Variants in LGSN observed in about 807,000 individuals in gnomAD.
LGSN encodes the protein lengsin.
Under a neutral mutation model 19.5 loss-of-function variants are expected in LGSN, and 21 were observed. The ratio of observed to expected loss-of-function variants is 1.07; its 90% CI spans 0.76 to 1.55. LGSN has a LOEUF of 1.55. Ranked by LOEUF, LGSN falls within the 40% of genes most tolerant of loss-of-function variation. LGSN has a pLI of 0.00. For missense variants in LGSN, 673 were observed against 608.5 expected (o/e 1.11, Z -1.12); for synonymous variants, 257 against 215.6 (o/e 1.19, Z -1.68).
chr6:63,478,253 G>C, the LGSN span, among the ~76,000 whole-genome samples: 1 of 152,118 alleles, frequency 6.6e-6, no homozygotes, highest in African/African-American at 2.4e-5. Flanking sequence ...GATTTTAAGA[G>C]GTTAGTAAAT....
the LGSN span, chr6:63,572,766 C>G: frequency 2.5e-6 from 1 of 398,290 alleles, no homozygotes. Flanking sequence ...AATCCACGAC[C>G]GGCCCCCCAT....
At chr6:63,474,565 C>T in the LGSN span, among the ~76,000 whole-genome samples, 1 of 144,088 alleles carries the variant, frequency 6.9e-6, no homozygotes, top group African/African-American at 2.6e-5. Context: ...GACAAGATCA[C>T]ACCACTGCAC....
At chr6:63,386,571 A>G in the LGSN span, among the ~76,000 whole-genome samples, 1 of 152,124 alleles carries the variant, frequency 6.6e-6, no homozygotes, top group Non-Finnish European at 1.5e-5. Context: ...AGTCATAACC[A>G]GTTAACCTAA....
At chr6:63,411,484 G>A in the LGSN span, among the ~76,000 whole-genome samples, 1 of 152,056 alleles carries the variant, frequency 6.6e-6, no homozygotes, top group Non-Finnish European at 1.5e-5. Flanking sequence ...CTATTGCGCT[G>A]CTCACACTAT....
chr6:63,447,921 G>A, the LGSN span, among the ~76,000 whole-genome samples: 1 of 152,070 alleles, frequency 6.6e-6, no homozygotes, highest in African/African-American at 2.4e-5. Context: ...CCAATAAGTT[G>A]TCCAACAAAA....
the LGSN span, among the ~76,000 whole-genome samples, chr6:63,508,377 G>A: frequency 6.6e-6 from 1 of 151,996 alleles, no homozygotes; most frequent in Non-Finnish European, 1.5e-5. Context: ...TTTGCATTAT[G>A]TAAACAGATA....
the LGSN span, among the ~76,000 whole-genome samples, chr6:63,494,250 A>C: frequency 6.6e-6 from 1 of 152,168 alleles, no homozygotes; most frequent in East Asian, 1.9e-4. Flanking sequence ...ACGCCCAGCC[A>C]GAAGAAATTA....
the LGSN span, among the ~76,000 whole-genome samples, chr6:63,462,621 A>G: frequency 6.6e-6 from 1 of 152,140 alleles, no homozygotes; most frequent in Non-Finnish European, 1.5e-5. Flanking sequence ...ATATTCCTAG[A>G]TTTTGGTTTT....
chr6:63,393,177 C>T, the LGSN span, among the ~76,000 whole-genome samples: 140 of 146,866 alleles, frequency 9.5e-4, 1 homozygote, highest in South Asian at 0.027. Flanking sequence ...TGAGCCACCG[C>T]GCCCAGCCAA....
intron 1 of LGSN, among the ~76,000 whole-genome samples, chr6:63,300,114 A>G (rs528749858): frequency 6.6e-6 from 1 of 152,286 alleles, no homozygotes; most frequent in East Asian, 1.9e-4. Flanking sequence ...GCAGCAGGAC[A>G]CAGCCAAGCC....
the LGSN span, among the ~76,000 whole-genome samples, chr6:63,446,243 C>CAA: frequency 0.021 from 1,538 of 74,330 alleles, 92 homozygotes; most frequent in African/African-American, 0.058. Context: ...GACTGTGTCT[C>CAA]AAAAAAAAAA....
the LGSN span, among the ~76,000 whole-genome samples, chr6:63,371,609 A>G: frequency 1.3e-3 from 204 of 152,350 alleles, 3 homozygotes; most frequent in African/African-American, 4.2e-3. Context: ...AATTCTGTTC[A>G]CTGCAGCTGC....
chr6:63,414,837 C>G, the LGSN span, among the ~76,000 whole-genome samples: 2 of 152,134 alleles, frequency 1.3e-5, no homozygotes, highest in African/African-American at 4.8e-5. Context: ...ATTGCTTGAG[C>G]CTGGGAGGCA....
the LGSN span, among the ~76,000 whole-genome samples, chr6:63,438,185 G>T: frequency 1.3e-5 from 2 of 152,224 alleles, no homozygotes; most frequent in East Asian, 1.9e-4. Flanking sequence ...GGCCAAGGTG[G>T]GTGGATCACT....
At chr6:63,383,435 A>G in the LGSN span, among the ~76,000 whole-genome samples, 1 of 151,656 alleles carries the variant, frequency 6.6e-6, no homozygotes, top group Non-Finnish European at 1.5e-5. Flanking sequence ...GACCCAGGGG[A>G]TCAACAGCAT....
upstream of LGSN, among the ~76,000 whole-genome samples, chr6:63,324,808 T>C (rs1474515175): frequency 2.1e-5 from 3 of 141,214 alleles, no homozygotes; most frequent in South Asian, 6.7e-4. Flanking sequence ...AACACCTACA[T>C]AAAAAAAAAA....
the LGSN span, among the ~76,000 whole-genome samples, chr6:63,405,951 G>T: frequency 6.6e-6 from 1 of 152,008 alleles, no homozygotes; most frequent in African/African-American, 2.4e-5. Context: ...TAATGGTAAA[G>T]GGATCAATTC....
At chr6:63,567,885 C>T in the LGSN span, among the ~76,000 whole-genome samples, 156 of 152,326 alleles carry the variant, frequency 1.0e-3, 3 homozygotes, top group East Asian at 0.024. Flanking sequence ...TACTGCTTCA[C>T]CTTTCATTTT....
chr6:63,288,373 A>T (rs1272257761), intron 2 of LGSN, among the ~76,000 whole-genome samples: 2 of 152,020 alleles, frequency 1.3e-5, no homozygotes, highest in East Asian at 1.9e-4. Context: ...CTACCCTCAT[A>T]GAACTTTATA....
Sources: gnomAD v4.1 joint callset for allele counts (sites outside exome capture counted in the v4.1 genomes callset) on GRCh38, gnomAD v4.1.1 for gene constraint, MANE v1.5 for transcripts, NCBI Gene and HGNC (gene_info 2026-07-23, HGNC 2026-07-21) for gene names.